The following EP400 variants were observed in gnomAD, a reference collection of about 807,000 sequenced individuals.
EP400 encodes E1A-binding protein p400.
In EP400, 105 loss-of-function variants were observed where a neutral mutation model predicts 354.1. The ratio of observed to expected loss-of-function variants is 0.30; its 90% CI spans 0.25 to 0.35. EP400 has a LOEUF of 0.35. Ranked by LOEUF, EP400 falls within the 10% of genes least tolerant of loss-of-function variation. EP400 has a pLI of 1.00. For missense variants in EP400, 3,280 were observed against 4,121.0 expected (o/e 0.80, Z 5.59); for synonymous variants, 1,646 against 1,716.9 (o/e 0.96, Z 1.02).
At chr12:131,992,433 G>C (rs537873152) in intron 11 of EP400, among the ~76,000 whole-genome samples, 1 of 152,188 alleles carries the variant, frequency 6.6e-6, no homozygotes, top group Non-Finnish European at 1.5e-5. Context: ...CAACATGGTC[G>C]TATCTGCTTT....
rs750856925 is a variant in EP400 at position 131,961,603 on chromosome 12, C to T, written c.984C>T (p.Pro328=). ...PPTSPSRTAV[P]PGLSSLPLTS... is the part of the protein sequence containing the mutation. ...CCAGCCCTTCCAGGACTGCCGTGCCCCCAGGCCTTTCCAGCCTCCCACTCA... is the reference window on the plus strand; with the variant it reads ...CCAGCCCTTCCAGGACTGCCGTGCCTCCAGGCCTTTCCAGCCTCCCACTCA... The change falls in exon 2 of 53, where the codon CCC becomes CCT. Residue 328 remains proline, a synonymous_variant. Coordinates refer to ENST00000389561, the MANE Select transcript of EP400 (RefSeq NM_015409.5). 1.2e-5 allele frequency: 19 copies of T among 1,571,336 alleles called. No individual in the cohort carries two copies. In the African/African-American group the frequency reaches 1.8e-4, roughly 14 times the overall value.
chr12:132,016,080 C>T lies in EP400; in HGVS notation c.3924-1455C>T, dbSNP rs556095577. On this transcript the variant is annotated intron_variant, in intron 19 of 52. Coordinates refer to ENST00000389561, the MANE Select transcript of EP400 (RefSeq NM_015409.5). ...CCAGCCAGTTCATATGGGCTTTAAG[C>T]TCCATCCCTTCTCCGGAACCATCCG... Among the ~76,000 whole-genome samples, 9 of 152,324 alleles carry T rather than the reference C, an allele frequency of 5.9e-5. No homozygotes were observed. The East Asian group carries it at 1.5e-3, about 26-fold the overall frequency.
At chr12:132,008,905 A>T (rs1365407908) in intron 15 of EP400, among the ~76,000 whole-genome samples, 1 of 144,020 alleles carries the variant, frequency 6.9e-6, no homozygotes, top group South Asian at 2.2e-4. Flanking sequence ...CAGGCGTGAG[A>T]CACCGTGCCC....
Position 132,044,936 on chromosome 12 carries a change from A to C in EP400, c.6767A>C (p.His2256Pro), listed in dbSNP as rs775993608. 5 of 1,614,142 alleles carry C rather than the reference A, an allele frequency of 3.1e-6. No individual in the cohort carries two copies. In the South Asian group the frequency reaches 5.5e-5, roughly 18 times the overall value. Reference sequence around the variant, plus strand: ...TACGTGAGGAAGGAGCGGAAGCGACACAAAACAGACCCCTCAGGTGCGCAT... The same window carrying C: ...TACGTGAGGAAGGAGCGGAAGCGACCCAAAACAGACCCCTCAGGTGCGCAT... ...PVYVRKERKR[H>P]KTDPSAAGRK... Residue 2256 changes from histidine (H) to proline (P), a missense_variant, in exon 37 of 53, where the codon CAC (histidine) becomes CCC (proline). By Grantham distance (77) the His-to-Pro change is moderately conservative. Around this residue, in one of 20 missense-constraint regions of EP400, gnomAD observed 231 missense variants for 257.9 expected, o/e 0.90. Coordinates refer to ENST00000389561, the MANE Select transcript of EP400 (RefSeq NM_015409.5).
intron 1 of EP400, among the ~76,000 whole-genome samples, chr12:131,959,164 C>G (rs572989006): frequency 6.6e-6 from 1 of 152,276 alleles, no homozygotes; most frequent in East Asian, 1.9e-4. Flanking sequence ...CATCTGCTTC[C>G]CTTGAAAACT....
chr12:132,011,595 A>T lies in EP400; in HGVS notation c.3402A>T (p.Ser1134=), dbSNP rs765236834. ...KRWCPGLKIL[S]YIGSHRELKA... ...GGTGTCCCGGACTCAAAATCCTCTC[A>T]TATATTGGCAGCCACAGAGAACTCA... Residue 1134 remains serine, a synonymous_variant, in exon 16 of 53, where the codon TCA becomes TCT. Transcript: ENST00000389561. 7.4e-6 allele frequency: 12 copies of T among 1,613,844 alleles called. No homozygotes were observed. The highest frequency in any genetic ancestry group is 1.0e-5 in the Non-Finnish European group (12 of 1,179,900).
intron 27 of EP400, among the ~76,000 whole-genome samples, chr12:132,028,723 G>T (rs146676705): frequency 6.6e-6 from 1 of 152,170 alleles, no homozygotes; most frequent in Non-Finnish European, 1.5e-5. Context: ...CGGTGGGCAC[G>T]GTGGGCACCC....
intron 45 of EP400, among the ~76,000 whole-genome samples, chr12:132,060,876 TGCA>T (rs1213980612): frequency 6.7e-6 from 1 of 148,554 alleles, no homozygotes. Flanking sequence ...ATTGCGCCAT[TGCA>T]GTGCAGCCTG....
At chr12:131,965,993 G>C (rs1274564518) in intron 2 of EP400, among the ~76,000 whole-genome samples, 3 of 151,258 alleles carry the variant, frequency 2.0e-5, no homozygotes, top group Non-Finnish European at 4.4e-5. Context: ...GAGTCAAAGA[G>C]TCTCTCTGAA....
chr12:131,982,930 A>G (rs1248519179), intron 5 of EP400, among the ~76,000 whole-genome samples: 1 of 150,860 alleles, frequency 6.6e-6, no homozygotes, highest in Non-Finnish European at 1.5e-5. Context: ...AGATCACACC[A>G]TTGCACTCCA....
Position 132,080,320 on chromosome 12 carries a change from G to A in EP400, c.*2647G>A, listed in dbSNP as rs1259881870. On this transcript the variant is annotated 3_prime_UTR_variant, in exon 53 of 53. Transcript: ENST00000389561. ...TGTTAACTGTTGTAACCAGTTAGCTGTTGTGTTTTAAGATAGAAAGGAACA... is the reference window on the plus strand; with the variant it reads ...TGTTAACTGTTGTAACCAGTTAGCTATTGTGTTTTAAGATAGAAAGGAACA... 1.3e-5 allele frequency: 2 copies of A among 152,572 alleles called. No homozygotes were observed. Among genetic ancestry groups the A allele is most frequent in the East Asian group, 3.8e-4 (2 of 5,198 alleles). The allele number at this position is 152,572 out of a possible 1,614,324, so 9.5% of individuals were successfully genotyped here. A position where few individuals can be genotyped will look rare whatever the true frequency, so the allele number is the denominator to read the frequency against.
chr12:132,046,117 C>T (rs139402986), intron 39 of EP400, among the ~76,000 whole-genome samples: 44 of 152,338 alleles, frequency 2.9e-4, no homozygotes, highest in Non-Finnish European at 5.7e-4. Context: ...GAGGAGTTCA[C>T]GTTGTGCTTG....
intron 50 of EP400, chr12:132,069,206 C>T: frequency 2.6e-6 from 1 of 383,670 alleles, no homozygotes; most frequent in Non-Finnish European, 4.7e-6. Flanking sequence ...TCAGGGTGCC[C>T]CACCAGCCCG....
chr12:132,064,033 C>T (rs990606567), intron 47 of EP400, among the ~76,000 whole-genome samples: 44 of 141,450 alleles, frequency 3.1e-4, no homozygotes, highest in East Asian at 1.0e-3. Flanking sequence ...GACCCCCCCC[C>T]GGCCCACAGC....
chr12:132,045,217 C>T, intron 37 of EP400, 102 bp from the exon 38 acceptor site: 2 of 1,523,386 alleles, frequency 1.3e-6, no homozygotes, highest in Non-Finnish European at 1.8e-6. Flanking sequence ...GCCTCTTTGC[C>T]CAGGCACCTC....
At chr12:131,972,725 C>CTTTTTTT (rs144441438) in intron 2 of EP400, among the ~76,000 whole-genome samples, 39 of 98,102 alleles carry the variant, frequency 4.0e-4, no homozygotes, top group East Asian at 6.2e-4. Flanking sequence ...CTAACACAAC[C>CTTTTTTT]TTTTTTTTTT....
At position 132,078,005 on chromosome 12, in the gene EP400, GC is replaced by G. The variant is rs753659864; in HGVS notation, c.*333del. The G allele has an allele frequency of 2.4e-5, 7 of 289,636 alleles. No homozygotes were observed. Among genetic ancestry groups the G allele is most frequent in the Non-Finnish European group, 3.9e-5 (6 of 153,596 alleles). The allele number at this position is 289,636 out of a possible 1,614,324, so 17.9% of individuals were successfully genotyped here. A position where few individuals can be genotyped will look rare whatever the true frequency, so the allele number is the denominator to read the frequency against. On this transcript the variant is annotated 3_prime_UTR_variant, in exon 53 of 53. Transcript: ENST00000389561. The stretch of plus-strand genomic sequence containing the variant: ...AAAGCCATTTAGAATTTCTTTGTGA[GC>G]ATGTAGTGCTTTGCACGCCACAGAA...
At position 132,032,092 on chromosome 12, in the gene EP400, C is replaced by T; in HGVS notation, c.5894C>T (p.Ala1965Val). The change falls in exon 30 of 53, where the codon GCC (alanine) becomes GTC (valine). Residue 1965 changes from alanine (A) to valine (V), a missense_variant. Physicochemically the swap from Ala to Val is moderately conservative, Grantham distance 64. Transcript: ENST00000389561. ...YDNDLNPVMD[A>V]KAQEWCDRIG... ...AATGACCTGAATCCAGTGATGGATG[C>T]CAAAGCTCAGGAGTGGTGCGATAGG... The T allele has an allele frequency of 6.2e-7, 1 of 1,614,028 alleles. No individual in the cohort carries two copies. The highest frequency in any genetic ancestry group is 8.5e-7 in the Non-Finnish European group (1 of 1,179,990).
At chr12:132,007,982 T>C (rs1472836446) in intron 15 of EP400, among the ~76,000 whole-genome samples, 1 of 152,024 alleles carries the variant, frequency 6.6e-6, no homozygotes, top group Non-Finnish European at 1.5e-5. Context: ...AGTTTCACTC[T>C]TGTTGCCCAG....
Sources: allele counts gnomAD v4.1 joint callset (sites outside exome capture counted in the v4.1 genomes callset), GRCh38; gene constraint gnomAD v4.1.1; regional missense constraint gnomAD v4.1.1; transcripts MANE v1.5; gene names NCBI Gene and HGNC (gene_info 2026-07-23, HGNC 2026-07-21).